DGKI: variants seen among roughly 807,000 people sequenced by gnomAD.
The protein encoded by DGKI is diacylglycerol kinase iota.
DGKI carries 55 observed loss-of-function variants against 147.5 expected under a neutral mutation model. That is an observed-to-expected ratio of 0.37 (90% CI 0.30 to 0.47). DGKI has a LOEUF of 0.47. DGKI is among the 20% of genes least tolerant of loss of function. DGKI has a pLI of 1.00. For missense variants in DGKI, 1,007 were observed against 1,323.8 expected (o/e 0.76, Z 3.71); for synonymous variants, 469 against 477.1 (o/e 0.98, Z 0.22).
At chr7:137,804,480 C>T (rs753948913) in intron 1 of DGKI, among the ~76,000 whole-genome samples, 14 of 152,114 alleles carry the variant, frequency 9.2e-5, no homozygotes, top group Non-Finnish European at 1.9e-4. Context: ...ACCCCTGTGC[C>T]CCCATTTAAC....
At chr7:137,745,165 C>T (rs368193325) in intron 1 of DGKI, among the ~76,000 whole-genome samples, 1 of 152,054 alleles carries the variant, frequency 6.6e-6, no homozygotes, top group South Asian at 2.1e-4. Context: ...TGGGTTTCTG[C>T]CTTATAAAGT....
chr7:137,484,957 T>C (rs550860763), intron 23 of DGKI, among the ~76,000 whole-genome samples: 1 of 151,872 alleles, frequency 6.6e-6, no homozygotes, highest in African/African-American at 2.4e-5. Flanking sequence ...AGAGGTAAAA[T>C]TGACAGGAAG....
intron 1 of DGKI, among the ~76,000 whole-genome samples, chr7:137,783,582 G>A (rs1205637501): frequency 1.3e-5 from 2 of 152,200 alleles, no homozygotes; most frequent in Admixed American, 6.5e-5. Context: ...AAACTTCCTG[G>A]CCTTGCTAGA....
At chr7:137,729,524 T>C (rs1169404919) in intron 1 of DGKI, among the ~76,000 whole-genome samples, 1 of 152,162 alleles carries the variant, frequency 6.6e-6, no homozygotes, top group Non-Finnish European at 1.5e-5. Context: ...AACTCTTTGA[T>C]TTGTAAAGAA....
Position 137,691,621 on chromosome 7 carries a change from T to C in DGKI, c.402-1619A>G, listed in dbSNP as rs369390773. Among the ~76,000 whole-genome samples, 22 of 152,288 alleles carry C rather than the reference T, an allele frequency of 1.4e-4. No individual in the cohort carries two copies. In the South Asian group the frequency reaches 4.4e-3, roughly 30 times the overall value. On this transcript the variant is annotated intron_variant, in intron 1 of 32. Transcript: ENST00000614521. The stretch of plus-strand genomic sequence containing the variant: ...TGAAGGGCAGGTAATCTTTTCATCC[T>C]GCTCAGCGACCTCTGCAAACTCCCT...
intron 1 of DGKI, among the ~76,000 whole-genome samples, chr7:137,747,290 A>G (rs1357090671): frequency 6.6e-6 from 1 of 152,128 alleles, no homozygotes; most frequent in African/African-American, 2.4e-5. Context: ...ATATGACTAG[A>G]TCTGCACAAC....
chr7:137,627,891 C>T (rs1307690787), intron 6 of DGKI, among the ~76,000 whole-genome samples: 1 of 152,164 alleles, frequency 6.6e-6, no homozygotes, highest in Non-Finnish European at 1.5e-5. Flanking sequence ...TTCTAACTTC[C>T]TCTTTCATGA....
chr7:137,780,361 A>G lies in DGKI; in HGVS notation c.401+66101T>C, dbSNP rs1162904284. Among the ~76,000 whole-genome samples, 3 of 152,238 alleles carry G rather than the reference A, an allele frequency of 2.0e-5. No homozygotes were observed. The East Asian group carries it at 5.8e-4, about 29-fold the overall frequency. On this transcript the variant is annotated intron_variant, in intron 1 of 32. Transcript: ENST00000614521. The stretch of plus-strand genomic sequence containing the variant: ...TTTGATCAGAGAAGTAGAGTAAGCT[A>G]TCAGATATATGGATCTGCATCTCAG...
At chr7:137,776,047 G>A (rs1796352476) in intron 1 of DGKI, among the ~76,000 whole-genome samples, 1 of 152,020 alleles carries the variant, frequency 6.6e-6, no homozygotes, top group Non-Finnish European at 1.5e-5. Context: ...TAGTAGGGAT[G>A]GGGTTTCTCC....
intron 6 of DGKI, among the ~76,000 whole-genome samples, chr7:137,630,494 T>G (rs2129001556): frequency 6.6e-6 from 1 of 152,258 alleles, no homozygotes; most frequent in Non-Finnish European, 1.5e-5. Context: ...CAGTACAACT[T>G]AACAACTCTT....
chr7:137,391,193 C>T lies in DGKI; in HGVS notation c.*27G>A, dbSNP rs117352289. 1.2e-3 allele frequency: 1,936 copies of T among 1,562,734 alleles called. 25 individuals are homozygous for T. The East Asian group carries it at 0.017, about 14-fold the overall frequency. Reference sequence around the variant, plus strand: ...GGAGGGCAGATGTGATACGCTTGCTCATGTCCTCTTTGCCCGAATACCAGG... The same window carrying T: ...GGAGGGCAGATGTGATACGCTTGCTTATGTCCTCTTTGCCCGAATACCAGG... On this transcript the variant is annotated 3_prime_UTR_variant, in exon 33 of 33. Coordinates refer to ENST00000614521, the MANE Select transcript of DGKI (RefSeq NM_001321708.2).
chr7:137,616,621 T>C, intron 8 of DGKI, among the ~76,000 whole-genome samples: 1 of 152,076 alleles, frequency 6.6e-6, no homozygotes, highest in South Asian at 2.1e-4. Flanking sequence ...ACAGACACCA[T>C]GTGGAAGAGG....
At chr7:137,559,859 A>G (rs1284207506) in intron 19 of DGKI, among the ~76,000 whole-genome samples, 1 of 152,230 alleles carries the variant, frequency 6.6e-6, no homozygotes, top group African/African-American at 2.4e-5. Flanking sequence ...TAAAATCTGC[A>G]ATATTCTGGC....
chr7:137,403,009 G>C (rs1811819188), intron 30 of DGKI, among the ~76,000 whole-genome samples: 1 of 152,148 alleles, frequency 6.6e-6, no homozygotes, highest in South Asian at 2.1e-4. Context: ...AAAAACAAAA[G>C]AGCAGAGTGT....
At chr7:137,644,544 A>G (rs1014661900) in intron 6 of DGKI, among the ~76,000 whole-genome samples, 3 of 152,230 alleles carry the variant, frequency 2.0e-5, no homozygotes, top group Non-Finnish European at 2.9e-5. Flanking sequence ...TCTACTGTCA[A>G]AAATGCTGCA....
chr7:137,451,426 A>G (rs1813950658), intron 27 of DGKI, among the ~76,000 whole-genome samples: 1 of 152,206 alleles, frequency 6.6e-6, no homozygotes, highest in Admixed American at 6.5e-5. Context: ...AGAAACTCAA[A>G]GATACTTTTT....
chr7:137,480,579 G>A (rs188478332), intron 23 of DGKI, among the ~76,000 whole-genome samples: 76 of 150,038 alleles, frequency 5.1e-4, no homozygotes, highest in African/African-American at 1.8e-3. Flanking sequence ...TGTAGACTCC[G>A]ATCTGACCAA....
At chr7:137,391,908 A>C (rs1811379912) in intron 32 of DGKI, among the ~76,000 whole-genome samples, 1 of 152,216 alleles carries the variant, frequency 6.6e-6, no homozygotes, top group Non-Finnish European at 1.5e-5. Flanking sequence ...TTCTCAATAC[A>C]AAAGTGGTAG....
At chr7:137,422,533 T>A (rs1321943196) in intron 28 of DGKI, among the ~76,000 whole-genome samples, 1 of 151,076 alleles carries the variant, frequency 6.6e-6, no homozygotes, top group Non-Finnish European at 1.5e-5. Flanking sequence ...AGACAAACAT[T>A]AAGCTTTCAA....
Sources: gnomAD v4.1 joint callset for allele counts (sites outside exome capture counted in the v4.1 genomes callset) on GRCh38, gnomAD v4.1.1 for gene constraint, MANE v1.5 for transcripts, NCBI Gene and HGNC (gene_info 2026-07-23, HGNC 2026-07-21) for gene names.